Variants in CNTN5 observed in about 807,000 individuals in gnomAD.
The protein encoded by CNTN5 is contactin-5.
Under a neutral mutation model 129.1 loss-of-function variants are expected in CNTN5, and 77 were observed. The ratio of observed to expected loss-of-function variants is 0.60; its 90% CI spans 0.50 to 0.72. CNTN5 has a LOEUF of 0.72. Ranked by LOEUF, CNTN5 falls within the 30% of genes least tolerant of loss-of-function variation. The probability of loss-of-function intolerance (pLI) is 0.00; values close to 1 mark genes in which losing one functional copy is unlikely to be tolerated. For missense variants in CNTN5, 1,478 were observed against 1,328.8 expected, an observed-to-expected ratio of 1.11 and a Z score of -1.75; for synonymous variants, 509 against 465.6, an observed-to-expected ratio of 1.09 and a Z score of -1.20.
intron 2 of CNTN5, among the ~76,000 whole-genome samples, chr11:99,475,974 C>A (rs1945355162): frequency 6.6e-6 from 1 of 151,980 alleles, no homozygotes; most frequent in South Asian, 2.1e-4. Context: ...TTCATCTGAT[C>A]TTTGCTTAAT....
At chr11:99,768,833 G>A (rs1051251242) in intron 3 of CNTN5, among the ~76,000 whole-genome samples, 2 of 152,172 alleles carry the variant, frequency 1.3e-5, no homozygotes, top group African/African-American at 2.4e-5. Context: ...TTGATAAGTA[G>A]TAATGTCCAG....
At chr11:99,432,892 C>T (rs539444638) in intron 2 of CNTN5, among the ~76,000 whole-genome samples, 1 of 150,960 alleles carries the variant, frequency 6.6e-6, no homozygotes, top group South Asian at 2.1e-4. Flanking sequence ...CTAGAATGTT[C>T]ACCACATTGA....
intron 18 of CNTN5, among the ~76,000 whole-genome samples, chr11:100,275,918 A>G (rs1413520664): frequency 6.6e-6 from 1 of 152,220 alleles, no homozygotes; most frequent in African/African-American, 2.4e-5. Context: ...ACAGATTTAA[A>G]GAGACACCAA....
chr11:99,853,157 A>G (rs1413023914), intron 6 of CNTN5, among the ~76,000 whole-genome samples: 1 of 152,112 alleles, frequency 6.6e-6, no homozygotes, highest in African/African-American at 2.4e-5. Context: ...TCAGAACAGA[A>G]TATGTAGTAC....
chr11:99,347,820 T>C (rs533811717), intron 2 of CNTN5, among the ~76,000 whole-genome samples: 43 of 152,304 alleles, frequency 2.8e-4, no homozygotes, highest in African/African-American at 8.7e-4. Flanking sequence ...TTCTCCCCAA[T>C]ATAATGTGCT....
intron 3 of CNTN5, among the ~76,000 whole-genome samples, chr11:99,669,448 G>GTGTT (rs1952940091): frequency 1.3e-5 from 1 of 75,934 alleles, no homozygotes; most frequent in Non-Finnish European, 3.1e-5. Context: ...TATGGTGTGT[G>GTGTT]TGTGTGTGTG....
chr11:100,281,131 G>C (rs193219306), intron 18 of CNTN5, among the ~76,000 whole-genome samples: 1 of 152,192 alleles, frequency 6.6e-6, no homozygotes, highest in African/African-American at 2.4e-5. Context: ...ATACTCCACA[G>C]TTACAGTGTT....
intron 1 of CNTN5, among the ~76,000 whole-genome samples, chr11:99,102,262 AG>A (rs201032687): frequency 0.014 from 2,143 of 152,034 alleles, 49 homozygotes; most frequent in African/African-American, 0.048. Context: ...CAGTGATGGG[AG>A]GGGCTGCTGC....
intron 1 of CNTN5, among the ~76,000 whole-genome samples, chr11:99,090,721 G>GAA (rs934808247): frequency 2.8e-3 from 262 of 94,112 alleles, no homozygotes; most frequent in East Asian, 0.012. Context: ...GTGCTCACCA[G>GAA]AAAAAAAAAA....
rs1313667026 is a variant in CNTN5, at chr11:99,112,303, AAAAT to A, written c.-210+91040_-210+91043del. Among the ~76,000 whole-genome samples, 74 of 152,138 alleles carry A rather than the reference AAAAT, an allele frequency of 4.9e-4. 1 individual carries two copies. Among genetic ancestry groups the A allele is most frequent in the African/African-American group, 1.8e-3 (73 of 41,550 alleles). ...TAGAAACTTCATAAATTTTAATGGAAAAATAAATAAGGGATTCTTAATCTCAAGA... is the reference window on the plus strand; with the variant it reads ...TAGAAACTTCATAAATTTTAATGGAAAAATAAGGGATTCTTAATCTCAAGA... On this transcript the variant is annotated intron_variant, in intron 1 of 24. Coordinates refer to ENST00000524871, the MANE Select transcript of CNTN5 (RefSeq NM_014361.4).
chr11:100,286,652 G>C (rs139659695), intron 18 of CNTN5, among the ~76,000 whole-genome samples: 46,804 of 148,238 alleles, frequency 0.32, 9,022 homozygotes, highest in East Asian at 0.83. Flanking sequence ...CACAAAGATG[G>C]GGAAAAAACA....
chr11:99,317,029 T>C (rs1413760340), intron 1 of CNTN5, among the ~76,000 whole-genome samples: 7 of 152,196 alleles, frequency 4.6e-5, no homozygotes, highest in Non-Finnish European at 2.9e-5. Context: ...TCTCAGATTC[T>C]CAGCACCCTA....
chr11:100,162,236 G>A (rs1947480273), intron 13 of CNTN5, among the ~76,000 whole-genome samples: 1 of 151,792 alleles, frequency 6.6e-6, no homozygotes, highest in Admixed American at 6.6e-5. Flanking sequence ...TTAGAATAAT[G>A]CCTGACACAT....
chr11:99,336,949 G>A (rs961956083), intron 2 of CNTN5, among the ~76,000 whole-genome samples: 2 of 152,096 alleles, frequency 1.3e-5, no homozygotes, highest in African/African-American at 4.8e-5. Flanking sequence ...TTGGTGTACA[G>A]ATTTTTTTTT....
chr11:100,145,725 A>T (rs551761532), intron 13 of CNTN5, among the ~76,000 whole-genome samples: 27 of 152,168 alleles, frequency 1.8e-4, no homozygotes, highest in African/African-American at 5.1e-4. Flanking sequence ...AATTCCAGGG[A>T]CTCTAGGGAT....
At chr11:99,170,251 A>C (rs1432719742) in intron 1 of CNTN5, among the ~76,000 whole-genome samples, 1 of 152,126 alleles carries the variant, frequency 6.6e-6, no homozygotes, top group African/African-American at 2.4e-5. Flanking sequence ...CCTATGAGGT[A>C]GATTCAGATC....
At chr11:99,202,580 A>T (rs958600533) in intron 1 of CNTN5, among the ~76,000 whole-genome samples, 1 of 152,106 alleles carries the variant, frequency 6.6e-6, no homozygotes, top group Non-Finnish European at 1.5e-5. Context: ...AAGAAATAAC[A>T]AATTAGTGTC....
chr11:99,698,062 GT>G (rs11431417), intron 3 of CNTN5, among the ~76,000 whole-genome samples: 48 of 144,262 alleles, frequency 3.3e-4, no homozygotes, highest in South Asian at 4.4e-4. Context: ...ATATGTTAGT[GT>G]TTTTTTTTTT....
At chr11:99,464,911 C>T (rs1427879111) in intron 2 of CNTN5, among the ~76,000 whole-genome samples, 1 of 152,100 alleles carries the variant, frequency 6.6e-6, no homozygotes, top group African/African-American at 2.4e-5. Context: ...AGTTAGTTTA[C>T]TATTTTATTA....
Sources: allele counts gnomAD v4.1 joint callset (sites outside exome capture counted in the v4.1 genomes callset), GRCh38; gene constraint gnomAD v4.1.1; transcripts MANE v1.5; gene names NCBI Gene and HGNC (gene_info 2026-07-23, HGNC 2026-07-21).